The following FAT4 variants were observed in gnomAD, a reference collection of about 807,000 sequenced individuals.
FAT4 encodes FAT atypical cadherin 4.
A neutral mutation model predicts 303.9 loss-of-function variants in FAT4; 84 were observed. The ratio of observed to expected loss-of-function variants is 0.28; its 90% confidence interval spans 0.23 to 0.33. FAT4 has a LOEUF of 0.33. Among genes scored for constraint, FAT4 ranks in the 10% least tolerant of loss-of-function variants. The pLI is 1.00. For missense variants in FAT4, 6,005 were observed against 6,146.8 expected, an observed-to-expected ratio of 0.98 and a Z score of 0.77; for synonymous variants, 2,307 against 2,298.8, an observed-to-expected ratio of 1.00 and a Z score of -0.10.
rs768308239 is a variant in FAT4, at chr4:125,481,690, T to C, written c.12774T>C (p.Asn4258=). Residue 4258 remains asparagine (N), a synonymous_variant, in exon 16 of 18, where the codon AAT becomes AAC. Coordinates refer to ENST00000394329, the MANE Select transcript of FAT4 (RefSeq NM_001291303.3). The part of the protein sequence containing the change: ...LEVKFRTRSE[N]GVLIHIQESS... ...TAAAATTTAGGACCAGAAGCGAGAA[T>C]GGCGTTTTAATCCATATCCAAGAAA... 2 of 1,614,040 alleles carry C rather than the reference T, an allele frequency of 1.2e-6. No homozygotes were observed. The highest frequency in any genetic ancestry group is 1.7e-5 in the Admixed American group (1 of 60,002).
At position 125,468,809 on chromosome 4, in the gene FAT4, G is replaced by T. The variant is rs770149542; in HGVS notation, c.12203G>T (p.Arg4068Ile). ...CATTTTCACACTGTGATTGCCAGGA[G>T]AGCAGGAATGGTAAGATATTTCATT... ...DGHFHTVIAR[R>I]AGMAASLTVD... The change falls in exon 12 of 18, where the codon AGA becomes ATA. Residue 4068 changes from arginine to isoleucine, a missense_variant. By Grantham distance (97) the Arg-to-Ile change is moderately conservative. Coordinates refer to ENST00000394329, the MANE Select transcript of FAT4 (RefSeq NM_001291303.3). The T allele has an allele frequency of 2.3e-5, 37 of 1,608,844 alleles. No homozygotes were observed. Among genetic ancestry groups the T allele is most frequent in the Non-Finnish European group, 3.1e-5 (37 of 1,176,088 alleles).
Position 125,490,478 on chromosome 4 carries a change from G to T in FAT4, c.13662G>T (p.Glu4554Asp), listed in dbSNP as rs1298870096. The T allele has an allele frequency of 5.0e-6, 8 of 1,614,174 alleles. No individual in the cohort carries two copies. Among genetic ancestry groups the T allele is most frequent in the Non-Finnish European group, 6.8e-6 (8 of 1,180,040 alleles). ...KPKEKKKKGSENVAFDDPDNI... is the reference protein window; with the variant it reads ...KPKEKKKKGSDNVAFDDPDNI... Reference sequence around the variant, plus strand: ...AGGAGAAGAAGAAAAAGGGAAGTGAGAACGTTGCTTTTGATGACCCTGACA... The same window carrying T: ...AGGAGAAGAAGAAAAAGGGAAGTGATAACGTTGCTTTTGATGACCCTGACA... Residue 4554 changes from glutamate to aspartate, a missense_variant, in exon 18 of 18, where the codon GAG (glutamate) becomes GAT (aspartate). Coordinates refer to ENST00000394329, the MANE Select transcript of FAT4 (RefSeq NM_001291303.3).
At chr4:125,464,907 C>T (rs1287222168) in intron 11 of FAT4, among the ~76,000 whole-genome samples, 2 of 152,152 alleles carry the variant, frequency 1.3e-5, no homozygotes, top group Non-Finnish European at 2.9e-5. Context: ...TGGACCTGAA[C>T]AGTAAAGCTC....
chr4:125,459,457 C>T (rs903576509), intron 10 of FAT4, among the ~76,000 whole-genome samples: 2 of 151,962 alleles, frequency 1.3e-5, no homozygotes, highest in Non-Finnish European at 2.9e-5. Context: ...CCATGGATTC[C>T]TATTATGCAT....
chr4:125,328,598 A>G (rs1357444224), intron 2 of FAT4, among the ~76,000 whole-genome samples: 1 of 152,184 alleles, frequency 6.6e-6, no homozygotes. Flanking sequence ...ATTGTTACAG[A>G]TTATTTGACA....
At chr4:125,444,629 A>G (rs1725764453) in intron 8 of FAT4, among the ~76,000 whole-genome samples, 1 of 151,558 alleles carries the variant, frequency 6.6e-6, no homozygotes, top group African/African-American at 2.4e-5. Context: ...ATAATACACC[A>G]TGGTCTTGGC....
At position 125,377,489 on chromosome 4, in the gene FAT4, T is replaced by C. The variant is rs185064028; in HGVS notation, c.5176-21295T>C. 4.3e-4 allele frequency among the ~76,000 whole-genome samples: 66 copies of C among 152,236 alleles called. 1 individual carries two copies. The highest frequency in any genetic ancestry group is 2.7e-3 in the Admixed American group (42 of 15,290). ...AACTAGACCCCAAACAAGTCAGTTT[T>C]GGTTTTGCTAAGATTTGCTTAAATG... On this transcript the variant is annotated intron_variant, in intron 2 of 17. Transcript: ENST00000394329.
Position 125,320,951 on chromosome 4 carries a change from A to G in FAT4, c.4540A>G (p.Asn1514Asp). 6.2e-7 allele frequency: 1 copy of G among 1,614,238 alleles called. No individual in the cohort carries two copies. Among genetic ancestry groups the G allele is most frequent in the Non-Finnish European group, 8.5e-7 (1 of 1,180,022 alleles). The change falls in exon 2 of 18, where the codon AAC becomes GAC. Residue 1514 changes from asparagine to aspartate, a missense_variant. Physicochemically the swap from Asn to Asp is conservative, Grantham distance 23. Coordinates refer to ENST00000394329, the MANE Select transcript of FAT4 (RefSeq NM_001291303.3). ...PIETRRYALKNVTILVTDLND... is the reference protein window; with the variant it reads ...PIETRRYALKDVTILVTDLND... Reference sequence around the variant, plus strand: ...AGAAACTAGACGGTATGCTTTGAAGAACGTGACCATTTTGGTTACAGACCT... The same window carrying G: ...AGAAACTAGACGGTATGCTTTGAAGGACGTGACCATTTTGGTTACAGACCT...
intron 2 of FAT4, among the ~76,000 whole-genome samples, chr4:125,351,938 A>AGGCAGAAATTC (rs1732241301): frequency 6.6e-6 from 1 of 151,744 alleles, no homozygotes; most frequent in Non-Finnish European, 1.5e-5. Flanking sequence ...ACAGGATTTA[A>AGGCAGAAATTC]GGCAGAAATT....
At chr4:125,339,716 A>G (rs867079977) in intron 2 of FAT4, among the ~76,000 whole-genome samples, 4 of 152,284 alleles carry the variant, frequency 2.6e-5, no homozygotes, top group African/African-American at 9.6e-5. Context: ...CTCAGGGAAG[A>G]TTAGTTAACT....
At chr4:125,485,487 C>T (rs997149388) in intron 16 of FAT4, among the ~76,000 whole-genome samples, 1 of 152,104 alleles carries the variant, frequency 6.6e-6, no homozygotes, top group Non-Finnish European at 1.5e-5. Context: ...CCTCAGCCTA[C>T]ACAGGGTCAG....
intron 17 of FAT4, 52 bp from the exon 18 acceptor site, chr4:125,489,845 CTCTT>C: frequency 1.1e-5 from 5 of 465,042 alleles, no homozygotes; most frequent in Non-Finnish European, 1.6e-5. Context: ...GTAGTATAAG[CTCTT>C]TTTTTTTTTT....
Position 125,315,452 on chromosome 4 carries a change from C to CA in FAT4, c.-538_-537insA, listed in dbSNP as rs2125937150. Among the ~76,000 whole-genome samples, 1 of 152,314 alleles carries CA rather than the reference C, an allele frequency of 6.6e-6. No individual in the cohort carries two copies. On this transcript the variant is annotated 5_prime_UTR_variant, in exon 1 of 18. Coordinates refer to ENST00000394329, the MANE Select transcript of FAT4 (RefSeq NM_001291303.3). ...GACTGGGGCCGCCGGAGAACGACCC[C>CA]CCCTGGCATGGTGAGGGGAGGGCGA...
At chr4:125,474,639 A>G (rs1726968619) in intron 12 of FAT4, among the ~76,000 whole-genome samples, 1 of 152,034 alleles carries the variant, frequency 6.6e-6, no homozygotes, top group Non-Finnish European at 1.5e-5. Context: ...AGCCAGTAAT[A>G]TTTGATAAAC....
rs538489921 is a variant in FAT4, at chr4:125,449,864, A to C, written c.8854A>C (p.Ser2952Arg). 1.1e-4 allele frequency: 175 copies of C among 1,613,980 alleles called. 2 individuals carry two copies. The South Asian group carries it at 1.8e-3, about 17-fold the overall frequency. Reference protein sequence around the residue: ...GFSNVNINRHSFIVTSSDRGK... With the variant: ...GFSNVNINRHRFIVTSSDRGK... Reference sequence around the variant, plus strand: ...CAGTAATGTGAATATCAACAGGCATAGTTTTATAGTGACATCTTCAGATCG... The same window carrying C: ...CAGTAATGTGAATATCAACAGGCATCGTTTTATAGTGACATCTTCAGATCG... The change falls in exon 10 of 18, where the codon AGT becomes CGT. Residue 2952 changes from serine (S) to arginine (R), a missense_variant. Transcript: ENST00000394329.
chr4:125,424,207 G>A (rs932261474), intron 7 of FAT4, among the ~76,000 whole-genome samples: 7 of 152,106 alleles, frequency 4.6e-5, no homozygotes, highest in South Asian at 2.1e-4. Flanking sequence ...AAATCTCATC[G>A]TGAATTGTAG....
At position 125,424,218 on chromosome 4, in the gene FAT4, T is replaced by A. The variant is rs2126035306; in HGVS notation, c.7018+7596T>A. The stretch of plus-strand genomic sequence containing the variant: ...AGCCAAATCTCATCGTGAATTGTAG[T>A]TCCCTTAATCCCCATGTGTCCTGAG... On this transcript the variant is annotated intron_variant, in intron 7 of 17. Coordinates refer to ENST00000394329, the MANE Select transcript of FAT4 (RefSeq NM_001291303.3). 2.0e-5 allele frequency among the ~76,000 whole-genome samples: 3 copies of A among 152,216 alleles called. No homozygotes were observed. In the Middle Eastern group the frequency reaches 0.01, roughly 518 times the overall value.
intron 2 of FAT4, among the ~76,000 whole-genome samples, chr4:125,372,640 C>T (rs995084237): frequency 2.6e-5 from 4 of 152,018 alleles, no homozygotes; most frequent in Admixed American, 6.6e-5. Context: ...TTTTTACATA[C>T]GTGGCACAAT....
chr4:125,425,925 A>G (rs1015889578), intron 7 of FAT4, among the ~76,000 whole-genome samples: 4 of 152,110 alleles, frequency 2.6e-5, no homozygotes, highest in Non-Finnish European at 5.9e-5. Flanking sequence ...AAGGGCATTT[A>G]TCATCCAACT....
Sources: gnomAD v4.1 joint callset for allele counts (sites outside exome capture counted in the v4.1 genomes callset) on GRCh38, gnomAD v4.1.1 for gene constraint, MANE v1.5 for transcripts, NCBI Gene and HGNC (gene_info 2026-07-23, HGNC 2026-07-21) for gene names.